Variants in KAZN observed in about 807,000 individuals in gnomAD.
KAZN encodes kazrin, periplakin interacting protein, also known as kazrin.
In KAZN, 40 loss-of-function variants were observed where a neutral mutation model predicts 87.4. The observed-to-expected ratio is 0.46, with a 90% confidence interval of 0.36 to 0.60. KAZN has a LOEUF of 0.60. Among genes scored for constraint, KAZN ranks in the 20% least tolerant of loss-of-function variants. The pLI, the probability that KAZN is intolerant of heterozygous loss-of-function variation, is 0.00. For synonymous variants in KAZN, 466 were observed against 458.3 expected (o/e 1.02, Z -0.22); for missense variants, 898 against 1,073.9 (o/e 0.84, Z 2.29).
intron 2 of KAZN, among the ~76,000 whole-genome samples, chr1:14,576,423 AGATGGATGAATGGAACAATGGATG>A (rs1313507312): frequency 6.6e-6 from 1 of 151,704 alleles, no homozygotes; most frequent in African/African-American, 2.4e-5. Context: ...ATAGATGGGT[AGATGGATGAATGGAACAATGGATG>A]GATGGATGGA....
At chr1:14,692,119 A>G (rs1641351657) in intron 1 of KAZN, 1 of 312,460 alleles carries the variant, frequency 3.2e-6, no homozygotes, top group South Asian at 1.5e-4. Context: ...CCTGTACAAG[A>G]AAAGTTTCAG....
intron 1 of KAZN, among the ~76,000 whole-genome samples, chr1:13,894,740 T>C (rs1035991428): frequency 2.0e-5 from 3 of 152,172 alleles, no homozygotes; most frequent in Non-Finnish European, 4.4e-5. Flanking sequence ...CCCCCCTTCC[T>C]GGGGTATCCG....
chr1:14,120,883 T>C (rs1644738191), intron 1 of KAZN, among the ~76,000 whole-genome samples: 1 of 152,100 alleles, frequency 6.6e-6, no homozygotes, highest in Non-Finnish European at 1.5e-5. Context: ...TTTTTTACTA[T>C]AGTGATTGAG....
intron 2 of KAZN, among the ~76,000 whole-genome samples, chr1:14,519,916 G>C (rs1557773645): frequency 6.6e-6 from 1 of 152,070 alleles, no homozygotes. Context: ...GTGTCCTCAG[G>C]CACCCAGAGG....
At chr1:14,643,993 C>T in intron 1 of KAZN, among the ~76,000 whole-genome samples, 1 of 142,926 alleles carries the variant, frequency 7.0e-6, no homozygotes, top group Non-Finnish European at 1.5e-5. Context: ...TATTCATGTC[C>T]TTTGCCCACT....
chr1:14,021,136 G>A (rs80026706), intron 1 of KAZN, among the ~76,000 whole-genome samples: 3,374 of 152,264 alleles, frequency 0.022, 117 homozygotes, highest in African/African-American at 0.076. Flanking sequence ...GAGTTGTTCC[G>A]TGCATTGTAG....
At chr1:14,618,892 C>T (rs751554139) in intron 1 of KAZN, among the ~76,000 whole-genome samples, 1 of 152,170 alleles carries the variant, frequency 6.6e-6, no homozygotes, top group Non-Finnish European at 1.5e-5. Flanking sequence ...AAGGAGCCTT[C>T]GCTTGAGTGG....
intron 2 of KAZN, among the ~76,000 whole-genome samples, chr1:14,445,005 G>A (rs1666901952): frequency 6.7e-6 from 1 of 150,140 alleles, no homozygotes; most frequent in Non-Finnish European, 1.5e-5. Context: ...ATTAGGGTGG[G>A]CTCTAATCCA....
intron 2 of KAZN, among the ~76,000 whole-genome samples, chr1:14,233,085 A>C (rs1247335586): frequency 6.6e-6 from 1 of 152,146 alleles, no homozygotes; most frequent in Non-Finnish European, 1.5e-5. Context: ...TCTGCCTCTC[A>C]GTATCCTTAT....
intron 1 of KAZN, among the ~76,000 whole-genome samples, chr1:14,919,702 C>T (rs915594346): frequency 6.6e-6 from 1 of 152,184 alleles, no homozygotes; most frequent in African/African-American, 2.4e-5. Flanking sequence ...CAAATAGAAA[C>T]ATAAAAACAT....
intron 1 of KAZN, among the ~76,000 whole-genome samples, chr1:14,839,075 A>C (rs1647624709): frequency 6.6e-6 from 1 of 152,200 alleles, no homozygotes; most frequent in East Asian, 1.9e-4. Flanking sequence ...GAAGACTTTC[A>C]GGCTGCAGAG....
At chr1:14,914,099 AC>A (rs1481132533) in intron 1 of KAZN, among the ~76,000 whole-genome samples, 7 of 152,178 alleles carry the variant, frequency 4.6e-5, no homozygotes, top group African/African-American at 1.7e-4. Context: ...CAACAGGGTC[AC>A]CTGGAGGGCT....
intron 2 of KAZN, among the ~76,000 whole-genome samples, chr1:14,197,720 A>G (rs1349554920): frequency 6.6e-6 from 1 of 152,114 alleles, no homozygotes; most frequent in African/African-American, 2.4e-5. Context: ...AAAAAGAAAA[A>G]CCACCACTAC....
intron 1 of KAZN, among the ~76,000 whole-genome samples, chr1:14,810,449 T>A (rs1646371466): frequency 6.6e-6 from 1 of 152,126 alleles, no homozygotes; most frequent in Non-Finnish European, 1.5e-5. Flanking sequence ...CAGCCATTGT[T>A]TGGCACAGTG....
At chr1:14,607,432 C>G (rs1268593580) in intron 1 of KAZN, among the ~76,000 whole-genome samples, 1 of 152,198 alleles carries the variant, frequency 6.6e-6, no homozygotes, top group Non-Finnish European at 1.5e-5. Context: ...CCAGGATGCT[C>G]TGGAGCTTGG....
chr1:14,260,610 C>T (rs1650938772), intron 2 of KAZN, among the ~76,000 whole-genome samples: 1 of 152,148 alleles, frequency 6.6e-6, no homozygotes, highest in Non-Finnish European at 1.5e-5. Flanking sequence ...CTGGAAATAG[C>T]TCCATTCTTT....
intron 1 of KAZN, among the ~76,000 whole-genome samples, chr1:14,742,770 A>T (rs1475613516): frequency 6.6e-6 from 1 of 152,082 alleles, no homozygotes; most frequent in Non-Finnish European, 1.5e-5. Flanking sequence ...TTCAAAACCC[A>T]TTTGCTGAGC....
chr1:14,492,854 C>T (rs1358171835), intron 2 of KAZN, among the ~76,000 whole-genome samples: 2 of 150,900 alleles, frequency 1.3e-5, no homozygotes, highest in South Asian at 4.2e-4. Context: ...ACACCATACC[C>T]ATGTGTGAGC....
At chr1:14,587,952 C>T (rs12120098) in intron 2 of KAZN, among the ~76,000 whole-genome samples, 4,807 of 152,182 alleles carry the variant, frequency 0.032, 103 homozygotes, top group Middle Eastern at 0.054. Flanking sequence ...ACCCATGTTG[C>T]GTTTGAGTGG....
Sources: allele counts gnomAD v4.1 joint callset (sites outside exome capture counted in the v4.1 genomes callset), GRCh38; gene constraint gnomAD v4.1.1; transcripts MANE v1.5; gene names NCBI Gene and HGNC (gene_info 2026-07-23, HGNC 2026-07-21).